The following WDR64 variants were observed in gnomAD, a reference collection of about 807,000 sequenced individuals.
The protein encoded by WDR64 is WD repeat domain 64.
In WDR64, 112 loss-of-function variants were observed where a neutral mutation model predicts 139.3. The observed-to-expected ratio is 0.80, with a 90% CI of 0.69 to 0.94. The LOEUF is 0.94. Among genes scored for constraint, WDR64 ranks in the 40% least tolerant of loss-of-function variants. The probability of loss-of-function intolerance (pLI) is 0.00; values close to 1 mark genes in which losing one functional copy is unlikely to be tolerated. For missense variants in WDR64, 1,206 were observed against 1,293.1 expected, an observed-to-expected ratio of 0.93 and a Z score of 1.03; for synonymous variants, 444 against 437.7, an observed-to-expected ratio of 1.01 and a Z score of -0.18.
intron 10 of WDR64, among the ~76,000 whole-genome samples, chr1:241,729,595 T>C (rs1407217803): frequency 6.6e-6 from 1 of 152,184 alleles, no homozygotes; most frequent in Non-Finnish European, 1.5e-5. Context: ...TCTCCTCCCA[T>C]TCCCAGACAT....
At chr1:241,724,118 T>C (rs917781881) in intron 10 of WDR64, among the ~76,000 whole-genome samples, 6 of 152,158 alleles carry the variant, frequency 3.9e-5, no homozygotes, top group African/African-American at 1.2e-4. Flanking sequence ...AACATTAAGA[T>C]AACTATGAAG....
At chr1:241,758,290 A>G (rs1670288399) in intron 15 of WDR64, among the ~76,000 whole-genome samples, 3 of 150,246 alleles carry the variant, frequency 2.0e-5, no homozygotes, top group Admixed American at 6.7e-5. Context: ...GTATTCCATC[A>G]AGATTCTCAT....
intron 14 of WDR64, 125 bp from the exon 15 acceptor site, chr1:241,757,158 G>T: frequency 1.2e-6 from 1 of 806,658 alleles, no homozygotes; most frequent in Non-Finnish European, 1.8e-6. Flanking sequence ...GAATAGATGG[G>T]GCTGAAGATT....
Position 241,749,636 on chromosome 1 carries a change from C to T in WDR64, c.1684C>T (p.Arg562Ter), listed in dbSNP as rs760868803. The change falls in exon 14 of 28, where the codon CGA becomes TGA. Residue 562 changes from arginine (R) to a stop codon, truncating the protein, a stop_gained. Transcript: ENST00000437684. LOFTEE classifies it high-confidence loss of function. ...CTGGAAGGAGGACGAGCACTGCCTA[C>T]GACGCCTCATTTTCCTCAAAGCCCA... Reference protein sequence around the residue: ...KDWKEDEHCLRRLIFLKAQEK... With the variant: ...KDWKEDEHCL 5 of 1,614,088 alleles carry T rather than the reference C, an allele frequency of 3.1e-6. No homozygotes were observed. Among genetic ancestry groups the T allele is most frequent in the East Asian group, 2.2e-5 (1 of 44,884 alleles).
At chr1:241,791,479 C>T (rs1425360134) in intron 25 of WDR64, among the ~76,000 whole-genome samples, 2 of 152,098 alleles carry the variant, frequency 1.3e-5, no homozygotes, top group African/African-American at 4.8e-5. Flanking sequence ...CCAGTCTAGG[C>T]AACATAGTGA....
chr1:241,697,631 T>C (rs1429612479), intron 8 of WDR64, among the ~76,000 whole-genome samples: 2 of 152,232 alleles, frequency 1.3e-5, no homozygotes, highest in Non-Finnish European at 2.9e-5. Flanking sequence ...TCTGTCGATA[T>C]GAGTAACCCT....
At chr1:241,778,775 TATA>T (rs1175345775) in intron 21 of WDR64, among the ~76,000 whole-genome samples, 1 of 152,204 alleles carries the variant, frequency 6.6e-6, no homozygotes, top group Non-Finnish European at 1.5e-5. Flanking sequence ...CTTTGTATCT[TATA>T]ATACCAAAGT....
Position 241,765,061 on chromosome 1 carries a change from C to T in WDR64, c.1948-1157C>T, listed in dbSNP as rs1393247481. On this transcript the variant is annotated intron_variant, in intron 15 of 27. Coordinates refer to ENST00000437684, the MANE Select transcript of WDR64 (RefSeq NM_001367482.1). Reference sequence around the variant, plus strand: ...CATTAGCCAGGCATGGTAGCACCCACCTGTGGTCCCAGCTACTCCAGAGCC... The same window carrying T: ...CATTAGCCAGGCATGGTAGCACCCATCTGTGGTCCCAGCTACTCCAGAGCC... Among the ~76,000 whole-genome samples the T allele has an allele frequency of 2.0e-5, 3 of 151,610 alleles. No homozygotes were observed. The East Asian group carries it at 5.9e-4, about 30-fold the overall frequency.
At position 241,680,293 on chromosome 1, in the gene WDR64, C is replaced by T. The variant is rs947043016; in HGVS notation, c.624+698C>T. The stretch of plus-strand genomic sequence containing the variant: ...TAAATTAACCTTCCTTCATGCCTTT[C>T]TTGTTCCTAGCCTTGGTAAAAAACT... On this transcript the variant is annotated intron_variant, in intron 6 of 27. Transcript: ENST00000437684. Among the ~76,000 whole-genome samples, 10 of 152,334 alleles carry T rather than the reference C, an allele frequency of 6.6e-5. 1 individual carries two copies. The Middle Eastern group carries it at 0.01, about 155-fold the overall frequency.
At chr1:241,791,673 G>T (rs1487274265) in intron 25 of WDR64, among the ~76,000 whole-genome samples, 2 of 146,284 alleles carry the variant, frequency 1.4e-5, no homozygotes. Context: ...CCCTGTCTGG[G>T]GGAAAAAAAA....
chr1:241,714,272 A>G (rs1168219634), intron 9 of WDR64, among the ~76,000 whole-genome samples: 1 of 152,252 alleles, frequency 6.6e-6, no homozygotes, highest in African/African-American at 2.4e-5. Flanking sequence ...AACTTTAAAA[A>G]GGGAAGAAAC....
chr1:241,691,127 A>G (rs1210767684), intron 8 of WDR64, among the ~76,000 whole-genome samples: 1 of 152,164 alleles, frequency 6.6e-6, no homozygotes, highest in African/African-American at 2.4e-5. Flanking sequence ...ATGATAGGTC[A>G]ACCACGAAAA....
At chr1:241,687,325 G>GTT in intron 7 of WDR64, 136 bp from the exon 8 acceptor site, 1 of 807,188 alleles carries the variant, frequency 1.2e-6, no homozygotes, top group African/African-American at 1.8e-5. Context: ...AAAAAAAGGT[G>GTT]TTATAATGCA....
chr1:241,735,284 ATAT>A (rs1340460004), intron 10 of WDR64, among the ~76,000 whole-genome samples: 6 of 152,164 alleles, frequency 3.9e-5, no homozygotes, highest in African/African-American at 9.7e-5. Flanking sequence ...AACGCAGCGC[ATAT>A]TATTTGTCTA....
At chr1:241,788,406 T>C (rs1305909779) in intron 24 of WDR64, among the ~76,000 whole-genome samples, 1 of 152,166 alleles carries the variant, frequency 6.6e-6, no homozygotes, top group Admixed American at 6.5e-5. Flanking sequence ...ACATCCTTTG[T>C]CATAATGGAA....
intron 8 of WDR64, among the ~76,000 whole-genome samples, chr1:241,689,325 T>C (rs1307640050): frequency 6.6e-6 from 1 of 152,146 alleles, no homozygotes; most frequent in Non-Finnish European, 1.5e-5. Flanking sequence ...AAGACCCAAC[T>C]ATATGCTGTC....
Position 241,723,394 on chromosome 1 carries a change from C to A in WDR64, c.1152C>A (p.Thr384=), listed in dbSNP as rs753526286. 5 of 1,613,710 alleles carry A rather than the reference C, an allele frequency of 3.1e-6. No individual in the cohort carries two copies. In the Admixed American group the frequency reaches 8.3e-5, roughly 27 times the overall value. ...GHMFSIAEIV[T]NEKDQHVVSL... is the part of the protein sequence containing the mutation. ...TGTTCAGTATCGCCGAGATCGTAACCAATGAAAAAGATCAACATGTCGTCA... is the reference window on the plus strand; with the variant it reads ...TGTTCAGTATCGCCGAGATCGTAACAAATGAAAAAGATCAACATGTCGTCA... Residue 384 remains threonine (T), a synonymous_variant, in exon 10 of 28, where the codon ACC becomes ACA. Coordinates refer to ENST00000437684, the MANE Select transcript of WDR64 (RefSeq NM_001367482.1).
chr1:241,758,798 C>CT (rs1365005554), intron 15 of WDR64, among the ~76,000 whole-genome samples: 1 of 152,066 alleles, frequency 6.6e-6, no homozygotes, highest in Non-Finnish European at 1.5e-5. Context: ...CTTTCCAGAT[C>CT]TAAAATCCAC....
intron 15 of WDR64, among the ~76,000 whole-genome samples, chr1:241,760,696 A>G (rs1419190634): frequency 6.7e-6 from 1 of 148,808 alleles, no homozygotes; most frequent in Non-Finnish European, 1.5e-5. Flanking sequence ...AAATTAAAGT[A>G]TATACATATA....
Sources: allele counts gnomAD v4.1 joint callset (sites outside exome capture counted in the v4.1 genomes callset), GRCh38; gene constraint gnomAD v4.1.1; transcripts MANE v1.5; gene names NCBI Gene and HGNC (gene_info 2026-07-23, HGNC 2026-07-21).